The following GPC6 variants were observed in gnomAD, a reference collection of about 807,000 sequenced individuals.
GPC6 encodes glypican 6, also known as glypican-6.
In GPC6, 14 loss-of-function variants were observed where a neutral mutation model predicts 55.2. The observed-to-expected ratio is 0.25, with a 90% CI of 0.17 to 0.40. GPC6 has a LOEUF of 0.40. Ranked by LOEUF, GPC6 falls within the 10% of genes least tolerant of loss-of-function variation. The pLI, the probability that GPC6 is intolerant of heterozygous loss-of-function variation, is 1.00. For missense variants in GPC6, 641 were observed against 708.5 expected (o/e 0.90, Z 1.08); for synonymous variants, 278 against 259.6 (o/e 1.07, Z -0.68).
intron 1 of GPC6, among the ~76,000 whole-genome samples, chr13:93,441,825 T>C (rs1254901222): frequency 6.6e-6 from 1 of 152,170 alleles, no homozygotes; most frequent in African/African-American, 2.4e-5. Context: ...CAGGCTGAAG[T>C]GCAGTGGCAT....
intron 4 of GPC6, among the ~76,000 whole-genome samples, chr13:94,039,472 A>G (rs1883455829): frequency 6.6e-6 from 1 of 151,914 alleles, no homozygotes; most frequent in South Asian, 2.1e-4. Context: ...AGAAGAGGGC[A>G]AAGCAAAAAA....
rs76532028 is a variant in GPC6 at position 93,765,490 on chromosome 13, TA to T, written c.320-64656del. ...ATACTATTTATATTATAAACTTTTT[TA>T]AAAAAAATGAGATGAGTTTAACTTA... On this transcript the variant is annotated intron_variant, in intron 2 of 8. Coordinates refer to ENST00000377047, the MANE Select transcript of GPC6 (RefSeq NM_005708.5). 3.3e-3 allele frequency among the ~76,000 whole-genome samples: 486 copies of T among 146,486 alleles called. 3 individuals are homozygous for T. Among genetic ancestry groups the T allele is most frequent in the Middle Eastern group, 0.011 (3 of 278 alleles).
At chr13:93,377,912 C>T (rs1422024323) in intron 1 of GPC6, among the ~76,000 whole-genome samples, 3 of 152,182 alleles carry the variant, frequency 2.0e-5, no homozygotes, top group Non-Finnish European at 4.4e-5. Flanking sequence ...GTTAATCATA[C>T]AAATGTGTAT....
intron 1 of GPC6, among the ~76,000 whole-genome samples, chr13:93,527,313 G>A (rs114936873): frequency 9.6e-4 from 146 of 152,024 alleles, no homozygotes; most frequent in African/African-American, 3.3e-3. Flanking sequence ...AAAACATTAC[G>A]TTCGATGTAA....
intron 3 of GPC6, among the ~76,000 whole-genome samples, chr13:93,884,929 C>T (rs1014608741): frequency 7.2e-5 from 11 of 152,040 alleles, no homozygotes; most frequent in African/African-American, 2.7e-4. Context: ...CTTTCCATAC[C>T]TTATCACTCA....
chr13:94,367,927 G>T (rs2139188722), intron 6 of GPC6, among the ~76,000 whole-genome samples: 1 of 151,990 alleles, frequency 6.6e-6, no homozygotes, highest in Non-Finnish European at 1.5e-5. Context: ...GAGGCGGGCG[G>T]ATCATGAGGT....
chr13:94,288,870 G>A (rs1357611990), intron 5 of GPC6, among the ~76,000 whole-genome samples: 2 of 19,986 alleles, frequency 1.0e-4, no homozygotes, highest in African/African-American at 3.1e-4. Flanking sequence ...ATATATATTT[G>A]TTATATATAT....
intron 2 of GPC6, among the ~76,000 whole-genome samples, chr13:93,546,268 G>T (rs1424105480): frequency 1.3e-5 from 2 of 152,186 alleles, no homozygotes; most frequent in Non-Finnish European, 2.9e-5. Context: ...CAAAAGAGCT[G>T]CTATTAATTT....
At chr13:93,314,752 T>C (rs9516215) in intron 1 of GPC6, among the ~76,000 whole-genome samples, 84,228 of 148,426 alleles carry the variant, frequency 0.57, 23,597 homozygotes, top group East Asian at 0.73. Flanking sequence ...TGTGTGTGTG[T>C]GTGTGCACGC....
chr13:94,034,602 G>A (rs959364499), intron 4 of GPC6, among the ~76,000 whole-genome samples: 3 of 151,960 alleles, frequency 2.0e-5, no homozygotes, highest in African/African-American at 4.8e-5. Context: ...TAGGCAAGTC[G>A]TCATTCTAGG....
At chr13:93,674,268 A>G (rs1881489656) in intron 2 of GPC6, among the ~76,000 whole-genome samples, 1 of 152,210 alleles carries the variant, frequency 6.6e-6, no homozygotes, top group Non-Finnish European at 1.5e-5. Flanking sequence ...TTTCTATAAT[A>G]GAATTGTCTC....
chr13:94,196,533 C>A (rs1450192216), intron 4 of GPC6, among the ~76,000 whole-genome samples: 1 of 152,184 alleles, frequency 6.6e-6, no homozygotes, highest in Non-Finnish European at 1.5e-5. Flanking sequence ...TCAACACTGA[C>A]CTTTTACCTT....
At chr13:93,765,003 G>A (rs1417472875) in intron 2 of GPC6, among the ~76,000 whole-genome samples, 5 of 152,074 alleles carry the variant, frequency 3.3e-5, no homozygotes, top group South Asian at 4.1e-4. Context: ...GTTTCACCAC[G>A]TTAACCAGGA....
chr13:93,462,671 T>C (rs1808478417), intron 1 of GPC6, among the ~76,000 whole-genome samples: 2 of 147,614 alleles, frequency 1.4e-5, no homozygotes, highest in South Asian at 2.1e-4. Context: ...AAAAAAGAAA[T>C]GCCAAGAACA....
At chr13:93,710,698 CA>C (rs140877387) in intron 2 of GPC6, among the ~76,000 whole-genome samples, 6,038 of 145,900 alleles carry the variant, frequency 0.041, 415 homozygotes, top group African/African-American at 0.15. Context: ...TCCCCCCCCC[CA>C]AAAAAAATAT....
chr13:94,309,211 A>G (rs1566659546), intron 6 of GPC6, among the ~76,000 whole-genome samples: 1 of 152,226 alleles, frequency 6.6e-6, no homozygotes, highest in African/African-American at 2.4e-5. Flanking sequence ...GACGATATCA[A>G]AACACTACTC....
intron 4 of GPC6, among the ~76,000 whole-genome samples, chr13:94,133,267 CAAAAAA>C (rs66499161): frequency 2.4e-5 from 2 of 85,100 alleles, no homozygotes; most frequent in African/African-American, 5.0e-5. Flanking sequence ...TGACCAGTGA[CAAAAAA>C]AAAAAAAAAA....
chr13:94,237,659 G>A lies in GPC6; in HGVS notation c.878-48690G>A, dbSNP rs965558786. Among the ~76,000 whole-genome samples, 6 of 152,256 alleles carry A rather than the reference G, an allele frequency of 3.9e-5. No homozygotes were observed. The East Asian group carries it at 1.2e-3, about 29-fold the overall frequency. On this transcript the variant is annotated intron_variant, in intron 4 of 8. Transcript: ENST00000377047. ...GCCCCAATGTGGGGGCAAGCTAGGA[G>A]TGTCTCCATAACAGAACGAAGGCTG... is the stretch of plus-strand genomic sequence containing the variant.
At chr13:93,403,741 C>T (rs1174633186) in intron 1 of GPC6, among the ~76,000 whole-genome samples, 1 of 152,096 alleles carries the variant, frequency 6.6e-6, no homozygotes, top group Admixed American at 6.6e-5. Flanking sequence ...TTTTTAAAGG[C>T]AATTGGAGCC....
Sources: allele counts gnomAD v4.1 joint callset (sites outside exome capture counted in the v4.1 genomes callset), GRCh38; gene constraint gnomAD v4.1.1; transcripts MANE v1.5; gene names NCBI Gene and HGNC (gene_info 2026-07-23, HGNC 2026-07-21).